The following CADM2 variants were observed in gnomAD, a reference collection of about 807,000 sequenced individuals.
The protein encoded by CADM2 is immunoglobulin superfamily member 4D.
A neutral mutation model predicts 49.8 loss-of-function variants in CADM2; 12 were observed. The observed-to-expected ratio is 0.24, with a 90% confidence interval of 0.15 to 0.39. The LOEUF is 0.39. CADM2 is among the 10% of genes least tolerant of loss of function. The pLI, the probability that CADM2 is intolerant of heterozygous loss-of-function variation, is 1.00. For synonymous variants in CADM2, 214 were observed against 175.4 expected, an observed-to-expected ratio of 1.22 and a Z score of -1.74; for missense variants, 378 against 492.3, an observed-to-expected ratio of 0.77 and a Z score of 2.20.
intron 1 of CADM2, among the ~76,000 whole-genome samples, chr3:85,144,620 A>AAAAAGAAAGAAAGAAAGAAAGAAAGAAAG (rs373935603): frequency 3.7e-5 from 5 of 136,366 alleles, no homozygotes; most frequent in African/African-American, 1.4e-4. Flanking sequence ...TCAAAAAAAA[A>AAAAAGAAAGAAAGAAAGAAAGAAAGAAAG]AAAGAAAGAA....
At chr3:85,186,594 T>C (rs1334243491) in intron 1 of CADM2, among the ~76,000 whole-genome samples, 3 of 151,994 alleles carry the variant, frequency 2.0e-5, no homozygotes, top group South Asian at 2.1e-4. Flanking sequence ...ACAATTGAAA[T>C]TTTGAGCTGG....
chr3:85,723,839 C>T (rs2067593891), intron 1 of CADM2, among the ~76,000 whole-genome samples: 1 of 151,884 alleles, frequency 6.6e-6, no homozygotes, highest in Admixed American at 6.6e-5. Flanking sequence ...TGTTCCAAAA[C>T]TTTATAAGGT....
intron 1 of CADM2, among the ~76,000 whole-genome samples, chr3:85,321,239 C>T (rs1218720502): frequency 1.4e-5 from 2 of 140,958 alleles, no homozygotes; most frequent in Non-Finnish European, 3.0e-5. Context: ...GTGGTGGGAT[C>T]TCGGTTCACT....
chr3:85,935,919 A>C, intron 7 of CADM2, 62 bp downstream of exon 7: 3 of 914,686 alleles, frequency 3.3e-6, no homozygotes, highest in Non-Finnish European at 5.2e-6. Context: ...CTTTGATTAC[A>C]GCCTTTAACT....
At chr3:85,958,460 G>A (rs927521127) in intron 7 of CADM2, among the ~76,000 whole-genome samples, 1 of 151,724 alleles carries the variant, frequency 6.6e-6, no homozygotes, top group Non-Finnish European at 1.5e-5. Context: ...TATACATAAA[G>A]GAATATAAAT....
At chr3:85,861,146 G>A (rs896526456) in intron 3 of CADM2, among the ~76,000 whole-genome samples, 5 of 152,158 alleles carry the variant, frequency 3.3e-5, no homozygotes, top group Admixed American at 2.0e-4. Flanking sequence ...TGGCTGTTGC[G>A]TTGAGAATAG....
chr3:85,875,496 C>G (rs976005154), intron 3 of CADM2, among the ~76,000 whole-genome samples: 1 of 152,084 alleles, frequency 6.6e-6, no homozygotes, highest in African/African-American at 2.4e-5. Flanking sequence ...GTTTATTTGA[C>G]TTAGTTTTCC....
intron 1 of CADM2, among the ~76,000 whole-genome samples, chr3:85,351,427 T>C (rs2031339084): frequency 6.6e-6 from 1 of 152,202 alleles, no homozygotes; most frequent in Non-Finnish European, 1.5e-5. Flanking sequence ...GAATGTTAAA[T>C]GGGAGTAAGT....
intron 1 of CADM2, among the ~76,000 whole-genome samples, chr3:85,448,149 G>A (rs1418829618): frequency 1.3e-5 from 2 of 151,742 alleles, no homozygotes; most frequent in South Asian, 2.1e-4. Context: ...GGCTAATACC[G>A]TGAAACCCCG....
chr3:85,728,268 G>C lies in CADM2; in HGVS notation c.88+1720G>C, dbSNP rs143251001. 2.8e-3 allele frequency among the ~76,000 whole-genome samples: 433 copies of C among 152,186 alleles called. 1 individual carries two copies. Among genetic ancestry groups the C allele is most frequent in the Non-Finnish European group, 4.2e-3 (289 of 68,008 alleles). On this transcript the variant is annotated intron_variant, in intron 2 of 9. Coordinates refer to ENST00000383699, the MANE Select transcript of CADM2 (RefSeq NM_001167675.2). Reference sequence around the variant, plus strand: ...TGCCTTCCACACTTCCATCCCCAGTGTTCCACACTTAGCCATTTTATTTGA... The same window carrying C: ...TGCCTTCCACACTTCCATCCCCAGTCTTCCACACTTAGCCATTTTATTTGA...
At chr3:84,979,665 T>C (rs911793466) in intron 1 of CADM2, among the ~76,000 whole-genome samples, 2 of 151,984 alleles carry the variant, frequency 1.3e-5, no homozygotes, top group Admixed American at 1.3e-4. Context: ...CTAAGTATTA[T>C]AAACTGTTTT....
At chr3:85,334,543 T>C (rs2045025048) in intron 1 of CADM2, among the ~76,000 whole-genome samples, 1 of 151,646 alleles carries the variant, frequency 6.6e-6, no homozygotes, top group African/African-American at 2.4e-5. Flanking sequence ...CAATGACTGA[T>C]AGTATACACA....
intron 1 of CADM2, among the ~76,000 whole-genome samples, chr3:85,513,777 A>G (rs1471472603): frequency 6.6e-6 from 1 of 152,008 alleles, no homozygotes; most frequent in Non-Finnish European, 1.5e-5. Context: ...GAATGTAAAT[A>G]CCCAACAATG....
At chr3:85,647,407 G>A (rs781400394) in intron 1 of CADM2, among the ~76,000 whole-genome samples, 1 of 150,926 alleles carries the variant, frequency 6.6e-6, no homozygotes, top group Non-Finnish European at 1.5e-5. Flanking sequence ...GGAGTTTTGT[G>A]GAATATATAT....
At chr3:85,314,661 A>C (rs1380197055) in intron 1 of CADM2, among the ~76,000 whole-genome samples, 1 of 152,144 alleles carries the variant, frequency 6.6e-6, no homozygotes, top group Non-Finnish European at 1.5e-5. Context: ...TCAATAAATA[A>C]AACTTTTATT....
chr3:85,023,308 T>TAATAAGTAC, intron 1 of CADM2, among the ~76,000 whole-genome samples: 2 of 152,108 alleles, frequency 1.3e-5, no homozygotes, highest in Admixed American at 6.6e-5. Flanking sequence ...ATTACCTCAG[T>TAATAAGTAC]AGGGCTGGTT....
intron 1 of CADM2, among the ~76,000 whole-genome samples, chr3:85,072,884 T>C (rs1428572266): frequency 1.3e-5 from 2 of 152,138 alleles, no homozygotes; most frequent in Non-Finnish European, 2.9e-5. Context: ...GATTAGTTTT[T>C]CATGTTGTTT....
intron 5 of CADM2, among the ~76,000 whole-genome samples, chr3:85,890,315 A>C (rs1226823017): frequency 6.6e-6 from 1 of 152,070 alleles, no homozygotes; most frequent in Admixed American, 6.6e-5. Flanking sequence ...GGGAAAGGTA[A>C]ATTATGCACT....
At chr3:85,226,487 A>G (rs1208838135) in intron 1 of CADM2, among the ~76,000 whole-genome samples, 4 of 151,836 alleles carry the variant, frequency 2.6e-5, no homozygotes, top group Non-Finnish European at 2.9e-5. Context: ...ATCATTTTTT[A>G]TCGCACCTAT....
Sources: gnomAD v4.1 joint callset for allele counts (sites outside exome capture counted in the v4.1 genomes callset) on GRCh38, gnomAD v4.1.1 for gene constraint, MANE v1.5 for transcripts, NCBI Gene and HGNC (gene_info 2026-07-23, HGNC 2026-07-21) for gene names.